The following NYAP2 variants were observed in gnomAD, a reference collection of about 807,000 sequenced individuals.
The protein encoded by NYAP2 is neuronal tyrosine-phosphorylated phosphoinositide-3-kinase adapter 2.
A neutral mutation model predicts 50.4 loss-of-function variants in NYAP2; 23 were observed. The ratio of observed to expected loss-of-function variants is 0.46; its 90% CI spans 0.33 to 0.65. NYAP2 has a LOEUF of 0.65. Ranked by LOEUF, NYAP2 falls within the 30% of genes least tolerant of loss-of-function variation. The pLI is 0.02. For missense variants in NYAP2, 885 were observed against 861.0 expected, an observed-to-expected ratio of 1.03 and a Z score of -0.35; for synonymous variants, 394 against 365.2, an observed-to-expected ratio of 1.08 and a Z score of -0.90.
rs1254732718 is a variant in NYAP2, at chr2:225,572,980, C to CT, written c.524-8956dup. 1.4e-4 allele frequency among the ~76,000 whole-genome samples: 22 copies of CT among 152,216 alleles called. No homozygotes were observed. The East Asian group carries it at 4.3e-3, about 29-fold the overall frequency. ...GATTTTTGACTAGAAAGAATGTAAT[C>CT]TTTTTCTATCTCCTCTCTGAATCAT... On this transcript the variant is annotated intron_variant, in intron 4 of 6. Transcript: ENST00000636099.
intron 3 of NYAP2, among the ~76,000 whole-genome samples, chr2:225,467,204 C>A (rs1016717404): frequency 6.6e-6 from 1 of 152,094 alleles, no homozygotes; most frequent in Non-Finnish European, 1.5e-5. Flanking sequence ...AGCCGAATGT[C>A]CTTAGAGGTC....
At chr2:225,687,882 A>C in the NYAP2 span, among the ~76,000 whole-genome samples, 1 of 152,106 alleles carries the variant, frequency 6.6e-6, no homozygotes, top group Non-Finnish European at 1.5e-5. Flanking sequence ...ACCTCTTATC[A>C]TTAACTAGAA....
rs112512559 is a variant in NYAP2 at position 225,517,568 on chromosome 2, G to A, written c.523+3896G>A. Among the ~76,000 whole-genome samples the A allele has an allele frequency of 6.3e-3, 959 of 152,188 alleles. 7 individuals are homozygous for A. Among genetic ancestry groups the A allele is most frequent in the African/African-American group, 0.022 (893 of 41,510 alleles). ...TACCTTTAAAGTGATTGTGAATAAC[G>A]GAAAAAATGATCAGATCCTGCATCC... On this transcript the variant is annotated intron_variant, in intron 4 of 6. Transcript: ENST00000636099.
At chr2:225,444,178 C>T (rs1210489527) in intron 3 of NYAP2, among the ~76,000 whole-genome samples, 5 of 152,106 alleles carry the variant, frequency 3.3e-5, no homozygotes, top group Non-Finnish European at 5.9e-5. Context: ...CCATACAAGC[C>T]GATGATTCCC....
chr2:225,618,092 A>G lies in NYAP2; in HGVS notation c.1619-8825A>G, dbSNP rs577876457. On this transcript the variant is annotated intron_variant, in intron 5 of 6. Transcript: ENST00000636099. ...CATAGGGTGGCCCATCAATGACACA[A>G]CGTTTTAATGTAATACCCTGTTTGC... 2.0e-4 allele frequency among the ~76,000 whole-genome samples: 31 copies of G among 152,320 alleles called. No homozygotes were observed. In the East Asian group the frequency reaches 2.3e-3, roughly 11 times the overall value.
At chr2:225,675,372 G>A in the NYAP2 span, among the ~76,000 whole-genome samples, 259 of 152,078 alleles carry the variant, frequency 1.7e-3, no homozygotes, top group African/African-American at 6.0e-3. Context: ...GTTTAGCTCC[G>A]ACTTATAAGT....
At chr2:225,593,545 A>T (rs887496881) in intron 5 of NYAP2, among the ~76,000 whole-genome samples, 3 of 152,154 alleles carry the variant, frequency 2.0e-5, no homozygotes, top group African/African-American at 7.2e-5. Context: ...TGTTTTTCTT[A>T]TGCTATTGTC....
intron 3 of NYAP2, among the ~76,000 whole-genome samples, chr2:225,415,063 GTTCTGACACAAAGGACTACTTAGGCTGA>G (rs1159811343): frequency 1.3e-5 from 2 of 152,048 alleles, no homozygotes; most frequent in Admixed American, 1.3e-4. Flanking sequence ...TAGCAAAGTG[GTTCTGACACAAAGGACTACTTAGGCTGA>G]TTAGGAATGT....
At chr2:225,580,679 G>T (rs1463776229) in intron 4 of NYAP2, among the ~76,000 whole-genome samples, 1 of 152,042 alleles carries the variant, frequency 6.6e-6, no homozygotes, top group Non-Finnish European at 1.5e-5. Context: ...TCAGTTGATG[G>T]ATGGAACAGC....
chr2:225,410,458 CA>C (rs1021342455), intron 3 of NYAP2, among the ~76,000 whole-genome samples: 7 of 151,376 alleles, frequency 4.6e-5, no homozygotes, highest in Non-Finnish European at 1.0e-4. Context: ...TTTTGATGGA[CA>C]TTTTTTTGTG....
At chr2:225,651,450 A>G in exon 7 of NYAP2, 1 of 1,613,984 alleles carries the variant, frequency 6.2e-7, no homozygotes, top group Non-Finnish European at 8.5e-7. Flanking sequence ...GTAAGCTGCA[A>G]ATTAGGCCGG....
chr2:225,621,571 A>C (rs1024587405), intron 5 of NYAP2, among the ~76,000 whole-genome samples: 2 of 152,172 alleles, frequency 1.3e-5, no homozygotes, highest in African/African-American at 4.8e-5. Flanking sequence ...AAATGAATGT[A>C]CTTTACACTA....
chr2:225,591,359 G>A (rs1423933467), intron 5 of NYAP2, among the ~76,000 whole-genome samples: 2 of 152,086 alleles, frequency 1.3e-5, no homozygotes, highest in East Asian at 3.9e-4. Context: ...TGAGGAATAA[G>A]GTAGTAAGAT....
intron 5 of NYAP2, among the ~76,000 whole-genome samples, chr2:225,584,355 G>A (rs1044917293): frequency 4.6e-5 from 7 of 152,154 alleles, no homozygotes; most frequent in African/African-American, 1.4e-4. Flanking sequence ...CAAAGACCAG[G>A]AAATTTATCT....
chr2:225,513,126 A>T (rs753766449), intron 3 of NYAP2, among the ~76,000 whole-genome samples: 2 of 152,190 alleles, frequency 1.3e-5, no homozygotes, highest in African/African-American at 2.4e-5. Context: ...ATTTACCTAA[A>T]GTAAATATAA....
At chr2:225,446,554 A>G (rs1005231443) in intron 3 of NYAP2, among the ~76,000 whole-genome samples, 6 of 152,244 alleles carry the variant, frequency 3.9e-5, no homozygotes, top group East Asian at 1.9e-4. Context: ...ATACAAAGTT[A>G]TATAGAAACA....
chr2:225,465,707 C>T (rs1307003287), intron 3 of NYAP2, among the ~76,000 whole-genome samples: 1 of 152,084 alleles, frequency 6.6e-6, no homozygotes, highest in Non-Finnish European at 1.5e-5. Flanking sequence ...CAGTATGAGA[C>T]TCTGTCTCAA....
At chr2:225,417,703 G>C (rs1695148390) in intron 3 of NYAP2, among the ~76,000 whole-genome samples, 1 of 152,050 alleles carries the variant, frequency 6.6e-6, no homozygotes, top group African/African-American at 2.4e-5. Flanking sequence ...AAAATGAAGT[G>C]GTTCAGCAAA....
chr2:225,554,086 A>C (rs1691729656), intron 4 of NYAP2, among the ~76,000 whole-genome samples: 1 of 152,090 alleles, frequency 6.6e-6, no homozygotes, highest in Admixed American at 6.6e-5. Context: ...ACCCATAATG[A>C]TTTGGTCCCT....
Sources: allele counts gnomAD v4.1 joint callset (sites outside exome capture counted in the v4.1 genomes callset), GRCh38; gene constraint gnomAD v4.1.1; transcripts MANE v1.5; gene names NCBI Gene and HGNC (gene_info 2026-07-23, HGNC 2026-07-21).